C12orf42: variants seen among roughly 807,000 people sequenced by gnomAD.
The protein encoded by C12orf42 is chromosome 12 open reading frame 42.
A neutral mutation model predicts 21.6 loss-of-function variants in C12orf42; 25 were observed. That is an observed-to-expected ratio of 1.16 (90% CI 0.84 to 1.62). C12orf42 has a LOEUF of 1.62. Among genes scored for constraint, C12orf42 ranks in the 40% most tolerant of loss-of-function variants. C12orf42 has a pLI of 0.00. For synonymous variants in C12orf42, 174 were observed against 175.0 expected (o/e 0.99, Z 0.05); for missense variants, 483 against 459.3 (o/e 1.05, Z -0.47).
intron 4 of C12orf42, among the ~76,000 whole-genome samples, chr12:103,281,763 C>T (rs2036131114): frequency 6.6e-6 from 1 of 151,880 alleles, no homozygotes; most frequent in Non-Finnish European, 1.5e-5. Flanking sequence ...ACAATTGATC[C>T]TCCCATCTCA....
chr12:103,056,004 G>C, the C12orf42 span, among the ~76,000 whole-genome samples: 1 of 152,060 alleles, frequency 6.6e-6, no homozygotes, highest in Non-Finnish European at 1.5e-5. Context: ...AAAAGCATCT[G>C]TATTCTGTTT....
downstream of C12orf42, among the ~76,000 whole-genome samples, chr12:103,300,458 A>T (rs1247059998): frequency 1.3e-5 from 2 of 152,214 alleles, no homozygotes; most frequent in East Asian, 3.8e-4. Flanking sequence ...TTATGTCTTT[A>T]GCCTGTATTC....
the C12orf42 span, chr12:103,164,825 T>C: frequency 4.8e-6 from 2 of 418,092 alleles, no homozygotes; most frequent in Non-Finnish European, 9.7e-6. Context: ...ACAAGATAAA[T>C]TGGCAGGCAA....
chr12:103,239,372 C>T (rs1047385240), intron 10 of C12orf42, among the ~76,000 whole-genome samples: 2 of 152,086 alleles, frequency 1.3e-5, no homozygotes, highest in Admixed American at 6.6e-5. Context: ...TTATTTTTCT[C>T]CCATGTCTCA....
chr12:103,340,999 G>C (rs1295110516), intron 4 of C12orf42, among the ~76,000 whole-genome samples: 1 of 151,146 alleles, frequency 6.6e-6, no homozygotes, highest in Non-Finnish European at 1.5e-5. Context: ...TGTAGTCCCA[G>C]CTACTTGGGA....
the C12orf42 span, among the ~76,000 whole-genome samples, chr12:103,220,155 C>G: frequency 6.6e-6 from 1 of 152,124 alleles, no homozygotes; most frequent in Non-Finnish European, 1.5e-5. Context: ...CAAACTAACA[C>G]AGGAACAGAA....
chr12:103,388,973 C>T (rs2046849685), intron 3 of C12orf42, among the ~76,000 whole-genome samples: 1 of 152,190 alleles, frequency 6.6e-6, no homozygotes, highest in Admixed American at 6.5e-5. Flanking sequence ...ATGGGCTGTG[C>T]TTGCTTTCCA....
chr12:103,251,667 A>T (rs1416957036), intron 10 of C12orf42, among the ~76,000 whole-genome samples: 2 of 152,152 alleles, frequency 1.3e-5, no homozygotes, highest in African/African-American at 4.8e-5. Flanking sequence ...ATAGTATGAC[A>T]CCTACTAGGA....
the C12orf42 span, among the ~76,000 whole-genome samples, chr12:103,526,378 G>C: frequency 2.2e-4 from 33 of 152,156 alleles, no homozygotes; most frequent in African/African-American, 8.0e-4. Flanking sequence ...TTCTATCATT[G>C]CACGAGTTGT....
intron 3 of C12orf42, among the ~76,000 whole-genome samples, chr12:103,388,103 G>A (rs893641331): frequency 6.6e-6 from 1 of 152,176 alleles, no homozygotes; most frequent in Non-Finnish European, 1.5e-5. Flanking sequence ...ACTCTTAAGT[G>A]TGCACCCTAC....
intron 4 of C12orf42, among the ~76,000 whole-genome samples, chr12:103,281,965 G>GAAAGAAAGAAAGAA (rs1566016350): frequency 4.0e-4 from 45 of 113,842 alleles, no homozygotes; most frequent in African/African-American, 1.3e-3. Flanking sequence ...GAAAGAAAGA[G>GAAAGAAAGAAAGAA]ATCGATCCTA....
At chr12:103,258,879 A>G (rs1358611433) in intron 10 of C12orf42, among the ~76,000 whole-genome samples, 2 of 152,172 alleles carry the variant, frequency 1.3e-5, no homozygotes, top group Non-Finnish European at 2.9e-5. Flanking sequence ...TCAACACCAT[A>G]AAGATATCAG....
At chr12:103,131,391 T>C in the C12orf42 span, among the ~76,000 whole-genome samples, 1 of 152,218 alleles carries the variant, frequency 6.6e-6, no homozygotes, top group Admixed American at 6.5e-5. Context: ...ATCAATTGTC[T>C]TGCAAGCTCT....
At chr12:103,283,293 C>T (rs141261010) in intron 4 of C12orf42, among the ~76,000 whole-genome samples, 138 of 152,298 alleles carry the variant, frequency 9.1e-4, no homozygotes, top group Non-Finnish European at 1.7e-3. Flanking sequence ...TTTCTACAAT[C>T]ACTGTCTTGG....
At chr12:103,081,075 G>C in the C12orf42 span, 1 of 152,212 alleles carries the variant, frequency 6.6e-6, no homozygotes, top group Middle Eastern at 3.4e-3. Flanking sequence ...TTCCCACTTG[G>C]TAAATGCCTT....
At chr12:103,052,909 C>T in the C12orf42 span, among the ~76,000 whole-genome samples, 1 of 151,944 alleles carries the variant, frequency 6.6e-6, no homozygotes, top group Admixed American at 6.6e-5. Flanking sequence ...AAAGACAATT[C>T]TTCCCTAACT....
chr12:103,490,865 A>G (rs558277433), intron 1 of C12orf42, among the ~76,000 whole-genome samples: 119 of 152,204 alleles, frequency 7.8e-4, no homozygotes, highest in African/African-American at 2.8e-3. Flanking sequence ...TTATTGTTAT[A>G]TATTCCTAGA....
the C12orf42 span, among the ~76,000 whole-genome samples, chr12:103,194,594 A>C: frequency 6.6e-6 from 1 of 152,172 alleles, no homozygotes; most frequent in Non-Finnish European, 1.5e-5. Flanking sequence ...TAGAATACTT[A>C]GGAATAAACT....
intron 2 of C12orf42, among the ~76,000 whole-genome samples, chr12:103,430,476 A>G (rs1416253461): frequency 6.6e-6 from 1 of 152,210 alleles, no homozygotes; most frequent in Non-Finnish European, 1.5e-5. Context: ...GACACTGGAG[A>G]GAATGTAGAG....
Sources: gnomAD v4.1 joint callset for allele counts (sites outside exome capture counted in the v4.1 genomes callset) on GRCh38, gnomAD v4.1.1 for gene constraint, MANE v1.5 for transcripts, NCBI Gene and HGNC (gene_info 2026-07-23, HGNC 2026-07-21) for gene names.